Variants in OSBPL2 observed in about 807,000 individuals in gnomAD.
OSBPL2 encodes the protein oxysterol-binding protein-related protein 2.
OSBPL2 carries 18 observed loss-of-function variants against 58.4 expected under a neutral mutation model. The observed-to-expected ratio is 0.31, with a 90% CI of 0.21 to 0.46. OSBPL2 has a LOEUF of 0.46. Ranked by LOEUF, OSBPL2 falls within the 20% of genes least tolerant of loss-of-function variation. OSBPL2 has a pLI of 1.00. For synonymous variants in OSBPL2, 221 were observed against 234.1 expected (o/e 0.94, Z 0.51); for missense variants, 461 against 616.5 (o/e 0.75, Z 2.67).
chr20:62,266,246 T>C (rs1340409254), intron 4 of OSBPL2, among the ~76,000 whole-genome samples: 2 of 152,182 alleles, frequency 1.3e-5, no homozygotes, highest in Non-Finnish European at 1.5e-5. Flanking sequence ...TGTGAGCACG[T>C]AGGACTGGCA....
In OSBPL2 at chr20:62,263,240, TCTGC is replaced by T. The variant is rs200710624; in HGVS notation, c.183-372_183-369del. 4.8e-4 allele frequency among the ~76,000 whole-genome samples: 73 copies of T among 152,296 alleles called. 1 individual carries two copies. The East Asian group carries it at 0.013, about 27-fold the overall frequency. ...AGGTCACTCTTGCTGCCCTCTTACC[TCTGC>T]CTGTGGTCTGGCCGCTGCCCCAGGG... On this transcript the variant is annotated intron_variant, in intron 3 of 13. Transcript: ENST00000313733.
intron 1 of OSBPL2, among the ~76,000 whole-genome samples, chr20:62,249,898 G>A (rs1040395476): frequency 6.6e-6 from 1 of 152,250 alleles, no homozygotes; most frequent in African/African-American, 2.4e-5. Flanking sequence ...GAGAAGTCCA[G>A]GGGTGGGCAG....
chr20:62,244,317 G>A (rs1036988789), intron 1 of OSBPL2, among the ~76,000 whole-genome samples: 1 of 152,224 alleles, frequency 6.6e-6, no homozygotes, highest in African/African-American at 2.4e-5. Flanking sequence ...AGCTGCAGCC[G>A]CAGGCTGGGC....
intron 1 of OSBPL2, among the ~76,000 whole-genome samples, chr20:62,242,127 A>G (rs758038870): frequency 1.8e-4 from 28 of 152,122 alleles, no homozygotes; most frequent in Non-Finnish European, 3.2e-4. Context: ...TTGCTTTTTC[A>G]GAGTGTTCTT....
At chr20:62,254,669 C>T (rs1320862196) in intron 1 of OSBPL2, among the ~76,000 whole-genome samples, 2 of 152,248 alleles carry the variant, frequency 1.3e-5, no homozygotes, top group South Asian at 2.1e-4. Flanking sequence ...GTTCTCGCCC[C>T]GGCGCCCTCA....
chr20:62,263,794 G>A (rs1981478956), intron 4 of OSBPL2, 103 bp downstream of exon 4: 21 of 1,008,648 alleles, frequency 2.1e-5, no homozygotes, highest in Admixed American at 3.5e-5. Context: ...GGCCGGGCGC[G>A]GTGGCTCACG....
Position 62,287,401 on chromosome 20 carries a change from G to A in OSBPL2, c.1125+690G>A, listed in dbSNP as rs1156417474. Among the ~76,000 whole-genome samples, 7 of 152,164 alleles carry A rather than the reference G, an allele frequency of 4.6e-5. 1 individual carries two copies. Among genetic ancestry groups the A allele is most frequent in the Admixed American group, 6.5e-5 (1 of 15,280 alleles). The stretch of plus-strand genomic sequence containing the variant: ...GAAGCAAAACCTTCACTTTAAGCAC[G>A]TTATCTCAACAGTCACTGTTATCAT... On this transcript the variant is annotated intron_variant, in intron 11 of 13. Transcript: ENST00000313733.
intron 1 of OSBPL2, among the ~76,000 whole-genome samples, chr20:62,240,848 C>T (rs565799915): frequency 6.6e-6 from 1 of 152,164 alleles, no homozygotes; most frequent in Non-Finnish European, 1.5e-5. Context: ...ACCTTCCCTG[C>T]CACCCAGCTC....
intron 6 of OSBPL2, among the ~76,000 whole-genome samples, chr20:62,273,733 T>G (rs1259495391): frequency 6.6e-6 from 1 of 152,200 alleles, no homozygotes; most frequent in Non-Finnish European, 1.5e-5. Context: ...GTTGTGAGCT[T>G]CACCGAAAAT....
chr20:62,283,989 T>G, intron 9 of OSBPL2, 57 bp from the exon 10 acceptor site: 1 of 1,547,480 alleles, frequency 6.5e-7, no homozygotes, highest in East Asian at 2.3e-5. Context: ...GCCACATGTT[T>G]AGACAAATGG....
chr20:62,242,709 G>C (rs1297042841), intron 1 of OSBPL2: 1 of 152,374 alleles, frequency 6.6e-6, no homozygotes, highest in Non-Finnish European at 1.5e-5. Flanking sequence ...CTGTGGCCCC[G>C]ACGCTGAGGC....
At chr20:62,281,341 C>T in intron 8 of OSBPL2, 176 bp downstream of exon 8, 1 of 583,078 alleles carries the variant, frequency 1.7e-6, no homozygotes, top group Non-Finnish European at 3.1e-6. Context: ...CGGTGTTGGC[C>T]ATGAATGCTC....
At chr20:62,263,137 C>T (rs1387386144) in intron 3 of OSBPL2, among the ~76,000 whole-genome samples, 2 of 152,130 alleles carry the variant, frequency 1.3e-5, no homozygotes, top group Admixed American at 1.3e-4. Context: ...GCCTTGCAGC[C>T]GACTGGAAGA....
At chr20:62,245,100 C>CT (rs398040809) in intron 1 of OSBPL2, among the ~76,000 whole-genome samples, 39,545 of 143,568 alleles carry the variant, frequency 0.28, 5,422 homozygotes, top group Middle Eastern at 0.35. Context: ...GAAATCTGTT[C>CT]TTTTTTTTTT....
At chr20:62,283,468 C>A (rs1241681780) in intron 9 of OSBPL2, among the ~76,000 whole-genome samples, 1 of 152,188 alleles carries the variant, frequency 6.6e-6, no homozygotes, top group East Asian at 1.9e-4. Context: ...TATTTGGCTT[C>A]ATCCCTTTTA....
At chr20:62,289,442 C>G in intron 12 of OSBPL2, 112 bp downstream of exon 12, 2 of 1,284,520 alleles carry the variant, frequency 1.6e-6, no homozygotes, top group Non-Finnish European at 2.1e-6. Context: ...CAAGGGGAGC[C>G]CCGTCCCTCT....
chr20:62,290,063 G>A (rs1034356087), intron 12 of OSBPL2, among the ~76,000 whole-genome samples: 1 of 152,212 alleles, frequency 6.6e-6, no homozygotes, highest in Non-Finnish European at 1.5e-5. Flanking sequence ...ACTGGCACGT[G>A]TGTGGCGTGT....
intron 12 of OSBPL2, 139 bp from the exon 13 acceptor site, chr20:62,291,564 G>A (rs1291017741): frequency 1.3e-6 from 1 of 767,096 alleles, no homozygotes; most frequent in African/African-American, 1.7e-5. Context: ...ATTGTGTTTG[G>A]TCTCCCGATC....
At chr20:62,238,895 G>T (rs1045602712) in intron 1 of OSBPL2, 2 of 143,370 alleles carry the variant, frequency 1.4e-5, no homozygotes, top group Admixed American at 6.9e-5. Flanking sequence ...GCGGTCGCCC[G>T]GCAACTGCGA....
Sources: allele counts gnomAD v4.1 joint callset (sites outside exome capture counted in the v4.1 genomes callset), GRCh38; gene constraint gnomAD v4.1.1; transcripts MANE v1.5; gene names NCBI Gene and HGNC (gene_info 2026-07-23, HGNC 2026-07-21).